The following GFY variants were observed in gnomAD, a reference collection of about 807,000 sequenced individuals.
GFY encodes golgi associated olfactory signaling regulator.
In GFY, 28 loss-of-function variants were observed where a neutral mutation model predicts 29.1. That is an observed-to-expected ratio of 0.96 (90% CI 0.71 to 1.32). GFY has a LOEUF of 1.32. Ranked by LOEUF, GFY falls within the 40% of genes most tolerant of loss-of-function variation. The probability of loss-of-function intolerance (pLI) is 0.00; values close to 1 mark genes in which losing one functional copy is unlikely to be tolerated. For synonymous variants in GFY, 277 were observed against 274.5 expected (o/e 1.01, Z -0.09); for missense variants, 656 against 661.9 (o/e 0.99, Z 0.10).
upstream of GFY, among the ~76,000 whole-genome samples, chr19:49,425,217 GT>G (rs2122277040): frequency 6.6e-6 from 1 of 152,036 alleles, no homozygotes; most frequent in East Asian, 1.9e-4. Flanking sequence ...AGGACCACTG[GT>G]TTCAAAAAAA....
rs1357964218 is a variant in GFY at position 49,427,312 on chromosome 19, T to C, written c.882T>C (p.Asp294=). 2 of 1,536,090 alleles carry C rather than the reference T, an allele frequency of 1.3e-6. No homozygotes were observed. The highest frequency in any genetic ancestry group is 2.7e-5 in the African/African-American group (2 of 73,040). ...CAGAAACACCTGTGCCCTTCAAGGATGACGCCACTGCTCTAAATGAGCTGT... is the reference window on the plus strand; with the variant it reads ...CAGAAACACCTGTGCCCTTCAAGGACGACGCCACTGCTCTAAATGAGCTGT... ...LYPETPVPFK[D]DATALNELSL... Residue 294 remains aspartate, a synonymous_variant, in exon 2 of 4, where the codon GAT becomes GAC. Transcript: ENST00000610896.
chr19:49,428,719 A>G lies in GFY; in HGVS notation c.1458A>G (p.Thr486=), dbSNP rs1409563083. 1.3e-6 allele frequency: 2 copies of G among 1,525,378 alleles called. No homozygotes were observed. The highest frequency in any genetic ancestry group is 5.0e-5 in the East Asian group (2 of 39,902). The allele number at this position is 1,525,378 out of a possible 1,614,324, so 94.5% of individuals were successfully genotyped here. The change falls in exon 4 of 4, where the codon ACA becomes ACG. Residue 486 remains threonine, a synonymous_variant. Coordinates refer to ENST00000610896, the MANE Select transcript of GFY (RefSeq NM_001195256.2). ...TCGCCACCAAGCAGCCCCCGCCCAC[A>G]CCTCCTCTGCCACCAAAGCTGCCCC... ...SHIATKQPPP[T]PPLPPKLPPP...
At chr19:49,425,764 G>A (rs1345974565) in intron 1 of GFY, among the ~76,000 whole-genome samples, 2 of 152,092 alleles carry the variant, frequency 1.3e-5, no homozygotes, top group Admixed American at 1.3e-4. Context: ...AAGAGCTCAA[G>A]GCCTCTTATC....
Position 49,426,400 on chromosome 19 carries a change from T to A in GFY, c.-21-10T>A. 11 of 1,489,904 alleles carry A rather than the reference T, an allele frequency of 7.4e-6. No homozygotes were observed. The highest frequency in any genetic ancestry group is 9.8e-6 in the Non-Finnish European group (11 of 1,125,584). 92.3% of individuals were successfully genotyped at this position (1,489,904 alleles called of 1,614,324 possible). A position where few individuals can be genotyped will look rare whatever the true frequency, so the allele number is the denominator to read the frequency against. ...GGCCTTAACCCCTTCCTTCCCGCTC[T>A]CCCCCGCAGCTATAGGTATCTGCCA... is the stretch of plus-strand genomic sequence containing the variant. On this transcript the variant is annotated splice_polypyrimidine_tract_variant and intron_variant, in intron 1 of 3. Coordinates refer to ENST00000610896, the MANE Select transcript of GFY (RefSeq NM_001195256.2).
chr19:49,424,362 C>T (rs1171437753), upstream of GFY, among the ~76,000 whole-genome samples: 3 of 152,194 alleles, frequency 2.0e-5, no homozygotes. Context: ...CCTGCCTCAG[C>T]CTCCCGAGTA....
chr19:49,428,955 G>A lies in GFY; in HGVS notation c.*137G>A. On this transcript the variant is annotated 3_prime_UTR_variant, in exon 4 of 4. Transcript: ENST00000610896. ...TGCTTGCGCTGTGATCAGAGAACAA[G>A]GTCTGAGACCGAATAAATATCATGT... 1.7e-6 allele frequency: 1 copy of A among 571,450 alleles called. No homozygotes were observed. Among genetic ancestry groups the A allele is most frequent in the South Asian group, 3.2e-5 (1 of 30,850 alleles). The allele number at this position is 571,450 out of a possible 1,614,324, so 35.4% of individuals were successfully genotyped here. A position where few individuals can be genotyped will look rare whatever the true frequency, so the allele number is the denominator to read the frequency against.
chr19:49,427,892 T>G (rs1600979266), intron 2 of GFY, 54 bp from the exon 3 acceptor site: 1 of 1,501,090 alleles, frequency 6.7e-7, no homozygotes, highest in Non-Finnish European at 8.9e-7. Flanking sequence ...CTTGGACCCC[T>G]GGGTCTGAGA....
chr19:49,426,327 T>G, intron 1 of GFY, 83 bp from the exon 2 acceptor site: 1 of 1,442,098 alleles, frequency 6.9e-7, no homozygotes, highest in South Asian at 1.5e-5. Context: ...CCACCTGTGT[T>G]CCAGTGGGCG....
At position 49,428,788 on chromosome 19, in the gene GFY, C is replaced by A. The variant is rs2078945231; in HGVS notation, c.1527C>A (p.Ser509=). 1 of 1,476,628 alleles carries A rather than the reference C, an allele frequency of 6.8e-7. No individual in the cohort carries two copies. The highest frequency in any genetic ancestry group is 1.8e-4 in the Middle Eastern group (1 of 5,650). The allele number at this position is 1,476,628 out of a possible 1,614,324, so 91.5% of individuals were successfully genotyped here. A position where few individuals can be genotyped will look rare whatever the true frequency, so the allele number is the denominator to read the frequency against. Residue 509 remains serine (S), a synonymous_variant, in exon 4 of 4, where the codon TCC becomes TCA. Transcript: ENST00000610896. ...GCCCGCAGCGTCTGGAGGCCCTGTC[C>A]CCCGCCACGCTCCCCAACAACTTCG... The part of the protein sequence containing the change: ...GGRPQRLEAL[S]PATLPNNFV
chr19:49,428,528 C>G (rs117955048), intron 3 of GFY, 91 bp from the exon 4 acceptor site: 24,762 of 981,836 alleles, frequency 0.025, 432 homozygotes, highest in Middle Eastern at 0.037. Context: ...GCCTCCTGAT[C>G]GGTCGGCCGC....
At position 49,428,111 on chromosome 19, in the gene GFY, A is replaced by T; in HGVS notation, c.1349A>T (p.Asp450Val). 1 of 1,532,264 alleles carries T rather than the reference A, an allele frequency of 6.5e-7. No homozygotes were observed. The highest frequency in any genetic ancestry group is 8.7e-7 in the Non-Finnish European group (1 of 1,143,704). The allele number at this position is 1,532,264 out of a possible 1,614,324, so 94.9% of individuals were successfully genotyped here. A position where few individuals can be genotyped will look rare whatever the true frequency, so the allele number is the denominator to read the frequency against. The change falls in exon 3 of 4, where the codon GAT becomes GTT. Residue 450 changes from aspartate (D) to valine (V), a missense_variant. Physicochemically the swap from Asp to Val is radical, Grantham distance 152 (BLOSUM62 -3). Transcript: ENST00000610896. ...CATCACCGGCTTCCGGACGACGGAG[A>T]TGAACCGGGTGAGCGCCCTGCCCCT... ...FAHHRLPDDGDEPVLHLDAPK... is the reference protein window; with the variant it reads ...FAHHRLPDDGVEPVLHLDAPK...
Position 49,427,527 on chromosome 19 carries a change from C to T in GFY, c.1097C>T (p.Ala366Val), listed in dbSNP as rs1300811047. The T allele has an allele frequency of 6.6e-7, 1 of 1,523,854 alleles. No homozygotes were observed. Among genetic ancestry groups the T allele is most frequent in the Non-Finnish European group, 8.8e-7 (1 of 1,140,910 alleles). 94.4% of individuals were successfully genotyped at this position (1,523,854 alleles called of 1,614,324 possible). ...CTTCCAGGGCGCCCCAGTCAGTTGG[C>T]CCCTGCCACTCTGCGGGCACCCCAG... is the stretch of plus-strand genomic sequence containing the variant. ...PALPGRPSQL[A>V]PATLRAPQRH... Residue 366 changes from alanine to valine, a missense_variant, in exon 2 of 4, where the codon GCC (alanine) becomes GTC (valine). Coordinates refer to ENST00000610896, the MANE Select transcript of GFY (RefSeq NM_001195256.2).
rs1600978426 is a variant in GFY, at chr19:49,427,423, G to A, written c.993G>A (p.Glu331=). Residue 331 remains glutamate (E), a synonymous_variant, in exon 2 of 4, where the codon GAG becomes GAA. Coordinates refer to ENST00000610896, the MANE Select transcript of GFY (RefSeq NM_001195256.2). ...CTTCAGATTCTCCAGGAATGGTTGA[G>A]CTGAAGGCCCCCCAGAACTCTGGCC... The part of the protein sequence containing the change: ...LPTSDSPGMV[E]LKAPQNSGPK... 5 of 1,535,738 alleles carry A rather than the reference G, an allele frequency of 3.3e-6. No homozygotes were observed. The highest frequency in any genetic ancestry group is 2.7e-5 in the African/African-American group (2 of 73,158).
Position 49,427,963 on chromosome 19 carries a change from C to T in GFY, c.1201C>T (p.Arg401Ter), listed in dbSNP as rs1021373078. Residue 401 changes from arginine to a stop codon, truncating the protein, a stop_gained, in exon 3 of 4, where the codon CGA becomes TGA. Transcript: ENST00000610896. LOFTEE classifies it high-confidence loss of function. ...CCCTTCAGGCGTGACTCTGGTGGGG[C>T]GACCACGTGGCGCAGCAGGCGGGGC... ...VKETGVTLVG[R>*]PRGAAGGALC... 2.5e-5 allele frequency: 38 copies of T among 1,534,644 alleles called. No homozygotes were observed. The highest frequency in any genetic ancestry group is 3.2e-5 in the Non-Finnish European group (37 of 1,145,830).
chr19:49,428,637 C>T lies in GFY; in HGVS notation c.1376C>T (p.Pro459Leu), dbSNP rs1266442747. Residue 459 changes from proline to leucine, a missense_variant, in exon 4 of 4, where the codon CCG becomes CTG. Physicochemically the swap from Pro to Leu is moderately conservative, Grantham distance 98 (BLOSUM62 -3). Coordinates refer to ENST00000610896, the MANE Select transcript of GFY (RefSeq NM_001195256.2). Reference protein sequence around the residue: ...GDEPVLHLDAPKDPYDLYFYA... With the variant: ...GDEPVLHLDALKDPYDLYFYA... ...CCCACAGTTCTGCATTTGGACGCCCCGAAAGACCCCTACGACCTCTACTTT... is the reference window on the plus strand; with the variant it reads ...CCCACAGTTCTGCATTTGGACGCCCTGAAAGACCCCTACGACCTCTACTTT... 5.3e-6 allele frequency: 8 copies of T among 1,496,668 alleles called. No individual in the cohort carries two copies. The highest frequency in any genetic ancestry group is 2.2e-5 in the Admixed American group (1 of 46,168). The allele number at this position is 1,496,668 out of a possible 1,614,324, so 92.7% of individuals were successfully genotyped here.
intron 2 of GFY, among the ~76,000 whole-genome samples, 162 bp from the exon 3 acceptor site, chr19:49,427,784 G>A (rs976308805): frequency 1.3e-5 from 2 of 151,928 alleles, no homozygotes; most frequent in African/African-American, 2.4e-5. Flanking sequence ...TGGACTCCTG[G>A]GTGCGAGGGA....
In GFY at chr19:49,428,755, C is replaced by A. The variant is rs749935169; in HGVS notation, c.1494C>A (p.Arg498=). ...PLPPKLPPPP[R]GGRPQRLEAL... ...CACCAAAGCTGCCCCCGCCGCCCCG[C>A]GGGGGTCGCCCGCAGCGTCTGGAGG... The change falls in exon 4 of 4, where the codon CGC becomes CGA. Residue 498 remains arginine (R), a synonymous_variant. Coordinates refer to ENST00000610896, the MANE Select transcript of GFY (RefSeq NM_001195256.2). 1.3e-6 allele frequency: 2 copies of A among 1,507,722 alleles called. No individual in the cohort carries two copies. Among genetic ancestry groups the A allele is most frequent in the Admixed American group, 2.1e-5 (1 of 47,538 alleles). The allele number at this position is 1,507,722 out of a possible 1,614,324, so 93.4% of individuals were successfully genotyped here.
Position 49,427,454 on chromosome 19 carries a change from G to A in GFY, c.1024G>A (p.Glu342Lys), listed in dbSNP as rs746754915. The A allele has an allele frequency of 1.3e-6, 2 of 1,535,588 alleles. No individual in the cohort carries two copies. The highest frequency in any genetic ancestry group is 2.4e-5 in the East Asian group (1 of 40,932). Residue 342 changes from glutamate to lysine, a missense_variant, in exon 2 of 4, where the codon GAG becomes AAG. Glu to Lys is a moderately conservative substitution (Grantham distance 56). Transcript: ENST00000610896. The stretch of plus-strand genomic sequence containing the variant: ...GGCCCCCCAGAACTCTGGCCCTAAG[G>A]AGTCCAACGTCCCTCCTCCCTCAGC... ...LKAPQNSGPKESNVPPPSARI... is the reference protein window; with the variant it reads ...LKAPQNSGPKKSNVPPPSARI...
chr19:49,426,423 C>A lies in GFY; in HGVS notation c.-8C>A. 3 of 1,528,976 alleles carry A rather than the reference C, an allele frequency of 2.0e-6. No individual in the cohort carries two copies. The highest frequency in any genetic ancestry group is 1.7e-6 in the Non-Finnish European group (2 of 1,142,864). 94.7% of individuals were successfully genotyped at this position (1,528,976 alleles called of 1,614,324 possible). A position where few individuals can be genotyped will look rare whatever the true frequency, so the allele number is the denominator to read the frequency against. On this transcript the variant is annotated 5_prime_UTR_variant, in exon 2 of 4. Transcript: ENST00000610896. Reference sequence around the variant, plus strand: ...TCTCCCCCGCAGCTATAGGTATCTGCCAGAGCTATGAAATCATTCAGCCGG... The same window carrying A: ...TCTCCCCCGCAGCTATAGGTATCTGACAGAGCTATGAAATCATTCAGCCGG...
Sources: gnomAD v4.1 joint callset for allele counts (sites outside exome capture counted in the v4.1 genomes callset) on GRCh38, gnomAD v4.1.1 for gene constraint, MANE v1.5 for transcripts, NCBI Gene and HGNC (gene_info 2026-07-23, HGNC 2026-07-21) for gene names.